Variants in EHBP1L1 observed in about 807,000 individuals in gnomAD.
The protein encoded by EHBP1L1 is EH domain-binding protein 1-like protein 1.
In EHBP1L1, 122 loss-of-function variants were observed where a neutral mutation model predicts 151.1. That is an observed-to-expected ratio of 0.81 (90% CI 0.70 to 0.94). The LOEUF (loss-of-function observed/expected upper bound fraction) is 0.94. Among genes scored for constraint, EHBP1L1 ranks in the 40% least tolerant of loss-of-function variants. EHBP1L1 has a pLI of 0.00. For missense variants in EHBP1L1, 1,941 were observed against 1,959.8 expected, an observed-to-expected ratio of 0.99 and a Z score of 0.18; for synonymous variants, 878 against 810.1, an observed-to-expected ratio of 1.08 and a Z score of -1.42.
rs1356517516 is a variant in EHBP1L1, at chr11:65,592,101, C to T, written c.4472+11C>T. On this transcript the variant is annotated intron_variant, in intron 18 of 18. Coordinates refer to ENST00000309295, the MANE Select transcript of EHBP1L1 (RefSeq NM_001099409.3). ...CCACAAGGAGCGGATGTGAGTGGCG[C>T]TGGGCGGCGCTGGGAGTTGGGAGGG... 7 of 1,612,412 alleles carry T rather than the reference C, an allele frequency of 4.3e-6. No individual in the cohort carries two copies. In the South Asian group the frequency reaches 6.6e-5, roughly 15 times the overall value.
At position 65,585,241 on chromosome 11, in the gene EHBP1L1, G is replaced by A. The variant is rs1236382741; in HGVS notation, c.3583G>A (p.Glu1195Lys). The A allele has an allele frequency of 4.4e-5, 49 of 1,121,916 alleles. No homozygotes were observed. The highest frequency in any genetic ancestry group is 4.9e-5 in the Non-Finnish European group (45 of 916,924). The allele number at this position is 1,121,916 out of a possible 1,614,324, so 69.5% of individuals were successfully genotyped here. The stretch of plus-strand genomic sequence containing the variant: ...GGCCGAGGGGCCCCAGGAGCCCAAG[G>A]AGGCCGCAGACCGCGCAGACGGGGC... ...HGAEGPQEPK[E>K]AADRADGAAP... Residue 1195 changes from glutamate to lysine, a missense_variant, in exon 12 of 19, where the codon GAG becomes AAG. By Grantham distance (56) the Glu-to-Lys change is moderately conservative. Coordinates refer to ENST00000309295, the MANE Select transcript of EHBP1L1 (RefSeq NM_001099409.3). The surrounding 1 kb of genome is among the most constrained non-coding windows in gnomAD (Gnocchi z 4.0).
Position 65,585,054 on chromosome 11 carries a change from G to A in EHBP1L1, c.3396G>A (p.Thr1132=), listed in dbSNP as rs1475082916. 7 of 1,543,216 alleles carry A rather than the reference G, an allele frequency of 4.5e-6. No individual in the cohort carries two copies. In the Admixed American group the frequency reaches 1.1e-4, roughly 25 times the overall value. ...TGCCCGACAAGCTCATCGTCATGAC[G>A]TACCTGTGCCAGATCCGCGCCTTCT... is the stretch of plus-strand genomic sequence containing the variant. The part of the protein sequence containing the change: ...LSVPDKLIVM[T]YLCQIRAFCT... The change falls in exon 12 of 19, where the codon ACG becomes ACA. Residue 1132 remains threonine (T), a synonymous_variant. Coordinates refer to ENST00000309295, the MANE Select transcript of EHBP1L1 (RefSeq NM_001099409.3). This position sits in a 1 kb window ranked among gnomAD's most constrained non-coding sequence, Gnocchi z 4.0.
In EHBP1L1 at chr11:65,584,407, C is replaced by T. The variant is rs1857820915; in HGVS notation, c.3251+9C>T. 1.2e-6 allele frequency: 2 copies of T among 1,613,280 alleles called. No individual in the cohort carries two copies. The highest frequency in any genetic ancestry group is 8.5e-7 in the Non-Finnish European group (1 of 1,179,648). On this transcript the variant is annotated intron_variant, in intron 10 of 18. Coordinates refer to ENST00000309295, the MANE Select transcript of EHBP1L1 (RefSeq NM_001099409.3). ...TTCTACCCAGACAAGATGTGAGCTG[C>T]CAGAGGGGTGGGAACGAATGGGGGA... is the stretch of plus-strand genomic sequence containing the variant.
Position 65,579,971 on chromosome 11 carries a change from GACATT to G in EHBP1L1, c.295_299del (p.Thr99TyrfsTer3). On this transcript the variant is annotated frameshift_variant, in exon 4 of 19. Coordinates refer to ENST00000309295, the MANE Select transcript of EHBP1L1 (RefSeq NM_001099409.3). LOFTEE classifies it high-confidence loss of function. ...TGGACCAGTATGAGGCCAAAGAGTG[GACATT>G]TATTATTGAAAATGTGAGTGTCTGG... 6.2e-7 allele frequency: 1 copy of G among 1,613,904 alleles called. No individual in the cohort carries two copies. Among genetic ancestry groups the G allele is most frequent in the Non-Finnish European group, 8.5e-7 (1 of 1,179,880 alleles).
intron 12 of EHBP1L1, among the ~76,000 whole-genome samples, chr11:65,589,453 G>A (rs1858143067): frequency 6.6e-6 from 1 of 152,124 alleles, no homozygotes; most frequent in African/African-American, 2.4e-5. Flanking sequence ...CATCCTGTGA[G>A]GCCGGAGCTC....
intron 12 of EHBP1L1, among the ~76,000 whole-genome samples, chr11:65,589,385 C>A (rs564183322): frequency 1.3e-5 from 2 of 152,238 alleles, no homozygotes; most frequent in African/African-American, 4.8e-5. Flanking sequence ...GAGCGAATCT[C>A]CATCTCAAAA....
chr11:65,583,127 T>A lies in EHBP1L1; in HGVS notation c.2455T>A (p.Leu819Met), dbSNP rs559942993. ...GACTGGGACAGCAGAAACTGAGATA[T>A]TGGGGACCCAAGAGATAGCATCTAG... ...IATGTAETEI[L>M]GTQEIASRSS... Residue 819 changes from leucine (L) to methionine (M), a missense_variant, in exon 9 of 19, where the codon TTG (leucine) becomes ATG (methionine). Transcript: ENST00000309295. The A allele has an allele frequency of 6.2e-7, 1 of 1,612,946 alleles. No individual in the cohort carries two copies. The highest frequency in any genetic ancestry group is 8.5e-7 in the Non-Finnish European group (1 of 1,179,680).
chr11:65,577,312 G>A (rs1031033123), intron 1 of EHBP1L1, among the ~76,000 whole-genome samples: 2 of 152,230 alleles, frequency 1.3e-5, no homozygotes, highest in Non-Finnish European at 2.9e-5. Flanking sequence ...CCAGGGGGAG[G>A]GGAGTAAGCA....
At position 65,579,840 on chromosome 11, in the gene EHBP1L1, A is replaced by AG. The variant is rs1446308187; in HGVS notation, c.259-96_259-95insG. 7 of 1,356,750 alleles carry AG rather than the reference A, an allele frequency of 5.2e-6. No individual in the cohort carries two copies. The Admixed American group carries it at 1.6e-4, about 30-fold the overall frequency. The allele number at this position is 1,356,750 out of a possible 1,614,324, so 84.0% of individuals were successfully genotyped here. ...AGACTCCGTCTCAAAAAAAAAAAAA[A>AG]AGCCACCACTACCAAGCACCTCCTG... On this transcript the variant is annotated intron_variant, in intron 3 of 18. Transcript: ENST00000309295.
chr11:65,583,759 C>A lies in EHBP1L1; in HGVS notation c.3087C>A (p.Gly1029=), dbSNP rs1183564289. 1.3e-6 allele frequency: 2 copies of A among 1,487,974 alleles called. No homozygotes were observed. The highest frequency in any genetic ancestry group is 1.8e-6 in the Non-Finnish European group (2 of 1,122,220). 92.2% of individuals were successfully genotyped at this position (1,487,974 alleles called of 1,614,324 possible). Residue 1029 remains glycine (G), a synonymous_variant, in exon 9 of 19, where the codon GGC becomes GGA. Transcript: ENST00000309295. ...EKAEEDRRLP[G]SQAPPALVSS... ...CTGAAGAGGACAGGAGGCTGCCGGG[C>A]AGCCAGGTAGGGATGGGGGCCGCCG...
chr11:65,582,317 G>T lies in EHBP1L1; in HGVS notation c.1645G>T (p.Ala549Ser), dbSNP rs376827115. Residue 549 changes from alanine to serine, a missense_variant, in exon 9 of 19, where the codon GCC becomes TCC. Coordinates refer to ENST00000309295, the MANE Select transcript of EHBP1L1 (RefSeq NM_001099409.3). The stretch of plus-strand genomic sequence containing the variant: ...CTGGCAGGGGGCCCTGTTATCAACT[G>T]CCCAGGGGGCAATATCCAGGGGTCT... ...SSWQGALLST[A>S]QGAISRGLGG... 51 of 1,545,262 alleles carry T rather than the reference G, an allele frequency of 3.3e-5. No individual in the cohort carries two copies. The Middle Eastern group carries it at 1.2e-3, about 37-fold the overall frequency.
In EHBP1L1 at chr11:65,592,032, G is replaced by C; in HGVS notation, c.4414G>C (p.Val1472Leu). 1 of 1,613,414 alleles carries C rather than the reference G, an allele frequency of 6.2e-7. No individual in the cohort carries two copies. The highest frequency in any genetic ancestry group is 8.5e-7 in the Non-Finnish European group (1 of 1,179,684). Reference protein sequence around the residue: ...HREQLLLEELVSLVNQRDELV... With the variant: ...HREQLLLEELLSLVNQRDELV... ...AGAGCAGCTCCTACTGGAGGAGCTGGTGTCGCTGGTGAACCAGCGCGATGA... is the reference window on the plus strand; with the variant it reads ...AGAGCAGCTCCTACTGGAGGAGCTGCTGTCGCTGGTGAACCAGCGCGATGA... The change falls in exon 18 of 19, where the codon GTG (valine) becomes CTG (leucine). Residue 1472 changes from valine to leucine, a missense_variant. Transcript: ENST00000309295.
At position 65,583,066 on chromosome 11, in the gene EHBP1L1, G is replaced by A. The variant is rs1442803546; in HGVS notation, c.2394G>A (p.Val798=). ...GLEADTTGIQ[V]KEVGGSEVPE... ...AAGCTGATACAACAGGGATCCAGGT[G>A]AAAGAGGTTGGGGGTTCAGAGGTTC... The change falls in exon 9 of 19, where the codon GTG becomes GTA. Residue 798 remains valine, a synonymous_variant. Coordinates refer to ENST00000309295, the MANE Select transcript of EHBP1L1 (RefSeq NM_001099409.3). 6.2e-7 allele frequency: 1 copy of A among 1,613,208 alleles called. No homozygotes were observed. Among genetic ancestry groups the A allele is most frequent in the Non-Finnish European group, 8.5e-7 (1 of 1,179,730 alleles).
At chr11:65,589,901 G>GT in intron 13 of EHBP1L1, 35 bp from the exon 14 acceptor site, 1 of 1,535,268 alleles carries the variant, frequency 6.5e-7, no homozygotes, top group Non-Finnish European at 8.8e-7. Context: ...GTGGGTGGTG[G>GT]TTAGGGGGTG....
At position 65,590,157 on chromosome 11, in the gene EHBP1L1, T is replaced by C. The variant is rs182359054; in HGVS notation, c.4130T>C (p.Ile1377Thr). ...GCCCTGGAACAGGAGCAGAGGCAGA[T>C]AGATGGGCGGGCGGCTGAGGTGGAG... ...LQALEQEQRQ[I>T]DGRAAEVEMQ... The change falls in exon 15 of 19, where the codon ATA becomes ACA. Residue 1377 changes from isoleucine (I) to threonine (T), a missense_variant. Physicochemically the swap from Ile to Thr is moderately conservative, Grantham distance 89. Transcript: ENST00000309295. 5 of 1,613,736 alleles carry C rather than the reference T, an allele frequency of 3.1e-6. No homozygotes were observed. The highest frequency in any genetic ancestry group is 1.7e-5 in the Admixed American group (1 of 59,988).
At chr11:65,590,694 G>T (rs758672295) in intron 16 of EHBP1L1, 102 bp downstream of exon 16, 2 of 1,040,370 alleles carry the variant, frequency 1.9e-6, no homozygotes, top group Non-Finnish European at 2.9e-6. Flanking sequence ...TTTGACAAAC[G>T]ATTCCTCTTC....
At chr11:65,580,298 C>T (rs1251540400) in intron 5 of EHBP1L1, 39 bp downstream of exon 5, 1 of 1,613,238 alleles carries the variant, frequency 6.2e-7, no homozygotes, top group Admixed American at 1.7e-5. Flanking sequence ...TGGCCTGTGA[C>T]CTCTGACTCC....
chr11:65,585,863 C>G lies in EHBP1L1; in HGVS notation c.3933+272C>G, dbSNP rs560964612. Reference sequence around the variant, plus strand: ...CAGGCAGGGTCCCCAGCTTTGCGGCCAGCCTGGGATAAGTGCTGAGGGTTT... The same window carrying G: ...CAGGCAGGGTCCCCAGCTTTGCGGCGAGCCTGGGATAAGTGCTGAGGGTTT... On this transcript the variant is annotated intron_variant, in intron 12 of 18. Transcript: ENST00000309295. The surrounding 1 kb of genome is among the most constrained non-coding windows in gnomAD (Gnocchi z 4.0). Among the ~76,000 whole-genome samples, 1 of 152,240 alleles carries G rather than the reference C, an allele frequency of 6.6e-6. No individual in the cohort carries two copies. The highest frequency in any genetic ancestry group is 1.5e-5 in the Non-Finnish European group (1 of 68,038).
chr11:65,581,303 C>A lies in EHBP1L1; in HGVS notation c.796C>A (p.Arg266=), dbSNP rs932836443. Residue 266 remains arginine (R), a synonymous_variant, in exon 8 of 19, where the codon CGA becomes AGA. Transcript: ENST00000309295. ...AACCTCCCGAGGCCAGGGGTCAGAA[C>A]GAGCTAATGAAGCGGGGGGCCAGGT... is the stretch of plus-strand genomic sequence containing the variant. The part of the protein sequence containing the change: ...ARTSRGQGSE[R]ANEAGGQVGP... 6.2e-7 allele frequency: 1 copy of A among 1,611,656 alleles called. No individual in the cohort carries two copies. Among genetic ancestry groups the A allele is most frequent in the Non-Finnish European group, 8.5e-7 (1 of 1,179,384 alleles).
Sources: gnomAD v4.1 joint callset for allele counts (sites outside exome capture counted in the v4.1 genomes callset) on GRCh38, gnomAD v4.1.1 for gene constraint, Gnocchi (gnomAD v3.1) non-coding constraint, MANE v1.5 for transcripts, NCBI Gene and HGNC (gene_info 2026-07-23, HGNC 2026-07-21) for gene names.